The following ZNF423 variants were observed in gnomAD, a reference collection of about 807,000 sequenced individuals.
ZNF423 encodes the protein zinc finger protein 423.
ZNF423 carries 12 observed loss-of-function variants against 95.8 expected under a neutral mutation model. That is an observed-to-expected ratio of 0.13 (90% CI 0.08 to 0.20). The LOEUF is 0.20. ZNF423 is among the 10% of genes least tolerant of loss of function. The pLI is 1.00. For synonymous variants in ZNF423, 749 were observed against 711.9 expected (o/e 1.05, Z -0.83); for missense variants, 1,316 against 1,737.1 (o/e 0.76, Z 4.31).
intron 5 of ZNF423, among the ~76,000 whole-genome samples, chr16:49,556,056 T>C (rs1182320742): frequency 1.3e-5 from 2 of 152,156 alleles, no homozygotes; most frequent in African/African-American, 4.8e-5. Context: ...CCATTGTACC[T>C]AGGAATTATT....
At chr16:49,774,143 CCTGTGGCTTTGCAGAAGTCAGGGA>C (rs1252177058) in intron 2 of ZNF423, among the ~76,000 whole-genome samples, 2 of 152,176 alleles carry the variant, frequency 1.3e-5, no homozygotes, top group Non-Finnish European at 2.9e-5. Flanking sequence ...GTCCTCAGGC[CCTGTGGCTTTGCAGAAGTCAGGGA>C]CTGTGGCTGG....
chr16:49,819,055 C>T (rs2034899508), intron 1 of ZNF423, among the ~76,000 whole-genome samples: 1 of 151,684 alleles, frequency 6.6e-6, no homozygotes, highest in East Asian at 1.9e-4. Context: ...AGATAGAGAC[C>T]ATCCTGGCCA....
chr16:49,594,198 C>T (rs527490973), intron 5 of ZNF423, among the ~76,000 whole-genome samples: 62 of 152,222 alleles, frequency 4.1e-4, no homozygotes, highest in African/African-American at 1.5e-3. Context: ...GGGTGTTAGA[C>T]CCTGGTTCAG....
At chr16:49,527,922 G>A (rs528897223) in intron 5 of ZNF423, among the ~76,000 whole-genome samples, 130 of 152,060 alleles carry the variant, frequency 8.5e-4, no homozygotes, top group Non-Finnish European at 1.5e-3. Context: ...GCACACACAC[G>A]TGTGCATGCA....
At chr16:49,574,766 G>A (rs535626798) in intron 5 of ZNF423, among the ~76,000 whole-genome samples, 1 of 152,248 alleles carries the variant, frequency 6.6e-6, no homozygotes, top group South Asian at 2.1e-4. Context: ...CCTCTCTCCT[G>A]GAGCCTGGGA....
At chr16:49,759,623 G>A (rs2033790948) in intron 2 of ZNF423, among the ~76,000 whole-genome samples, 1 of 152,216 alleles carries the variant, frequency 6.6e-6, no homozygotes, top group East Asian at 1.9e-4. Flanking sequence ...AATGGCTGTT[G>A]AAAAGCATGG....
At chr16:49,700,236 A>G (rs974562030) in intron 3 of ZNF423, among the ~76,000 whole-genome samples, 23 of 145,198 alleles carry the variant, frequency 1.6e-4, no homozygotes, top group African/African-American at 4.3e-4. Context: ...AGAAGAAGAA[A>G]AAAAGAAAAA....
At chr16:49,660,344 A>G (rs2030143675) in intron 3 of ZNF423, among the ~76,000 whole-genome samples, 1 of 152,240 alleles carries the variant, frequency 6.6e-6, no homozygotes, top group Admixed American at 6.5e-5. Flanking sequence ...GAGGCACTTG[A>G]AAACTATGGT....
At chr16:49,662,101 T>C (rs2030264605) in intron 3 of ZNF423, among the ~76,000 whole-genome samples, 1 of 152,110 alleles carries the variant, frequency 6.6e-6, no homozygotes. Context: ...CTTGGGGAAC[T>C]CCACCCCCAC....
intron 5 of ZNF423, among the ~76,000 whole-genome samples, chr16:49,556,522 A>G (rs904881876): frequency 9.2e-5 from 14 of 152,198 alleles, no homozygotes; most frequent in African/African-American, 3.1e-4. Context: ...TACTTTGCAC[A>G]GAGAGGAACT....
intron 7 of ZNF423, among the ~76,000 whole-genome samples, chr16:49,515,409 T>C (rs958580449): frequency 6.6e-6 from 1 of 152,260 alleles, no homozygotes; most frequent in Non-Finnish European, 1.5e-5. Context: ...TATTAGCTCA[T>C]ATAAATGGCA....
intron 5 of ZNF423, among the ~76,000 whole-genome samples, chr16:49,575,635 G>C (rs896360747): frequency 6.6e-6 from 1 of 152,180 alleles, no homozygotes; most frequent in Non-Finnish European, 1.5e-5. Flanking sequence ...AGCAGTGGGT[G>C]GGGCTTCGAC....
At chr16:49,822,832 G>A in intron 1 of ZNF423, 1 of 896,212 alleles carries the variant, frequency 1.1e-6, no homozygotes. Flanking sequence ...TGACAGATGA[G>A]CAAACTGAGG....
chr16:49,739,979 C>T (rs1567321405), intron 2 of ZNF423, among the ~76,000 whole-genome samples: 1 of 152,014 alleles, frequency 6.6e-6, no homozygotes, highest in Non-Finnish European at 1.5e-5. Context: ...TTGCCTCAGC[C>T]TCCCGAGTAG....
intron 5 of ZNF423, among the ~76,000 whole-genome samples, chr16:49,544,687 C>T (rs1009234078): frequency 6.6e-6 from 1 of 152,228 alleles, no homozygotes; most frequent in African/African-American, 2.4e-5. Context: ...GGGGAGGGTG[C>T]TTGCAGGGGC....
At chr16:49,531,963 G>A (rs555832392) in intron 5 of ZNF423, among the ~76,000 whole-genome samples, 9 of 152,292 alleles carry the variant, frequency 5.9e-5, no homozygotes, top group South Asian at 2.1e-4. Flanking sequence ...GTCCATTAAC[G>A]CTTGAGAACC....
chr16:49,593,387 A>G (rs764089050), intron 5 of ZNF423, among the ~76,000 whole-genome samples: 10 of 151,926 alleles, frequency 6.6e-5, no homozygotes, highest in Non-Finnish European at 1.2e-4. Flanking sequence ...GTGAGCTATG[A>G]TCATGCCACT....
chr16:49,649,022 G>A (rs1408999513), intron 3 of ZNF423, among the ~76,000 whole-genome samples: 2 of 152,182 alleles, frequency 1.3e-5, no homozygotes, highest in African/African-American at 2.4e-5. Context: ...AGTTTATACT[G>A]ACAGAAACAC....
At chr16:49,524,484 T>C (rs1025282464) in intron 6 of ZNF423, among the ~76,000 whole-genome samples, 2 of 152,024 alleles carry the variant, frequency 1.3e-5, no homozygotes, top group Non-Finnish European at 2.9e-5. Context: ...GAAGATGGCA[T>C]CAGGGTGCTC....
Sources: gnomAD v4.1 joint callset for allele counts (sites outside exome capture counted in the v4.1 genomes callset) on GRCh38, gnomAD v4.1.1 for gene constraint, MANE v1.5 for transcripts, NCBI Gene and HGNC (gene_info 2026-07-23, HGNC 2026-07-21) for gene names.